The following SLCO1B3 variants were observed in gnomAD, a reference collection of about 807,000 sequenced individuals.
SLCO1B3 encodes solute carrier organic anion transporter family member 1B3, also known as liver-specific organic anion transporter 2.
Under a neutral mutation model 71.8 loss-of-function variants are expected in SLCO1B3, and 72 were observed. The ratio of observed to expected loss-of-function variants is 1.00; its 90% CI spans 0.83 to 1.22. The LOEUF is 1.22. Ranked by LOEUF, SLCO1B3 falls within the 50% of genes most tolerant of loss-of-function variation. The probability of loss-of-function intolerance (pLI) is 0.00; values close to 1 mark genes in which losing one functional copy is unlikely to be tolerated. For missense variants in SLCO1B3, 911 were observed against 819.7 expected (o/e 1.11, Z -1.36); for synonymous variants, 298 against 278.4 (o/e 1.07, Z -0.70).
chr12:20,883,338 C>G, intron 12 of SLCO1B3, 80 bp from the exon 13 acceptor site: 1 of 814,200 alleles, frequency 1.2e-6, no homozygotes, highest in Non-Finnish European at 1.8e-6. Context: ...TTTGAGACTT[C>G]TTTAAATATA....
chr12:20,915,930 A>G, intron 15 of SLCO1B3, 74 bp from the exon 16 acceptor site: 1 of 1,170,562 alleles, frequency 8.5e-7, no homozygotes, highest in South Asian at 1.5e-5. Flanking sequence ...AGATATGCAT[A>G]CTGGGGAGAA....
intron 13 of SLCO1B3, among the ~76,000 whole-genome samples, chr12:20,889,735 G>A (rs1207313315): frequency 1.3e-5 from 2 of 151,728 alleles, no homozygotes; most frequent in East Asian, 1.9e-4. Context: ...CTAGCTTTGG[G>A]TGCAGTTTAT....
chr12:20,852,167 G>GT (rs1258903693), intron 3 of SLCO1B3, among the ~76,000 whole-genome samples: 1 of 152,102 alleles, frequency 6.6e-6, no homozygotes, highest in Non-Finnish European at 1.5e-5. Context: ...TTTTATATTT[G>GT]TTTTTTCTAT....
chr12:20,902,208 G>T, intron 15 of SLCO1B3: 1 of 170,120 alleles, frequency 5.9e-6, no homozygotes, highest in Non-Finnish European at 1.3e-5. Flanking sequence ...TGGGTTGAAT[G>T]GTAATTCTGT....
rs745556617 is a variant in SLCO1B3 at position 20,861,124 on chromosome 12, A to C, written c.467A>C (p.Glu156Ala). 4.4e-6 allele frequency: 7 copies of C among 1,585,018 alleles called. No homozygotes were observed. In the South Asian group the frequency reaches 8.2e-5, roughly 18 times the overall value. ...TTATCATTCAATGGAACATCACCTGAGATAGTAGAAAAAGGTAAGAATTAA... is the reference window on the plus strand; with the variant it reads ...TTATCATTCAATGGAACATCACCTGCGATAGTAGAAAAAGGTAAGAATTAA... ...QTLSFNGTSP[E>A]IVEKDCVKES... The change falls in exon 6 of 16, where the codon GAG becomes GCG. Residue 156 changes from glutamate (E) to alanine (A), a missense_variant. Glu to Ala is a moderately radical substitution (Grantham distance 107). Coordinates refer to ENST00000381545, the MANE Select transcript of SLCO1B3 (RefSeq NM_019844.4).
At chr12:20,900,075 G>A (rs1327000049) in intron 14 of SLCO1B3, among the ~76,000 whole-genome samples, 1 of 152,138 alleles carries the variant, frequency 6.6e-6, no homozygotes, top group African/African-American at 2.4e-5. Context: ...CACAACGTTT[G>A]TTTAAACCAG....
At chr12:20,864,871 G>A (rs1040088601) in intron 8 of SLCO1B3, among the ~76,000 whole-genome samples, 9 of 152,066 alleles carry the variant, frequency 5.9e-5, no homozygotes, top group Non-Finnish European at 1.0e-4. Context: ...AATATCAAGG[G>A]CAGGAAATTA....
chr12:20,848,958 A>G (rs1290498475), intron 3 of SLCO1B3, among the ~76,000 whole-genome samples: 2 of 152,126 alleles, frequency 1.3e-5, no homozygotes, highest in African/African-American at 2.4e-5. Flanking sequence ...AAACACACCA[A>G]GTGAACCCTA....
chr12:20,853,986 A>AT lies in SLCO1B3; in HGVS notation c.85-1036dup, dbSNP rs1865078725. ...TGACCCATTGGTTGTGTAAGAAAGA[A>AT]TTTTTTAATTTCACATATCTGTGGA... On this transcript the variant is annotated intron_variant, in intron 3 of 15. Transcript: ENST00000381545. 2.0e-5 allele frequency among the ~76,000 whole-genome samples: 3 copies of AT among 151,218 alleles called. No individual in the cohort carries two copies. The South Asian group carries it at 6.3e-4, about 32-fold the overall frequency.
At chr12:20,824,166 A>G (rs1864375595) in intron 3 of SLCO1B3, among the ~76,000 whole-genome samples, 1 of 152,188 alleles carries the variant, frequency 6.6e-6, no homozygotes, top group African/African-American at 2.4e-5. Context: ...CACTTTATTA[A>G]ATTGTTAAAG....
intron 15 of SLCO1B3, among the ~76,000 whole-genome samples, chr12:20,907,806 G>A (rs1866284721): frequency 6.6e-6 from 1 of 151,884 alleles, no homozygotes. Context: ...ACTGCTCCCG[G>A]CTGGGAGATT....
chr12:20,829,148 C>A (rs1206228523), intron 3 of SLCO1B3, among the ~76,000 whole-genome samples: 1 of 152,142 alleles, frequency 6.6e-6, no homozygotes, highest in Non-Finnish European at 1.5e-5. Flanking sequence ...CAAACAAAAA[C>A]CAGTTAAGTC....
At chr12:20,859,284 C>T (rs1865204497) in intron 5 of SLCO1B3, among the ~76,000 whole-genome samples, 1 of 152,104 alleles carries the variant, frequency 6.6e-6, no homozygotes. Context: ...AAGTCAGTTA[C>T]GTTTTACACA....
At chr12:20,844,149 G>A (rs1864859280) in intron 3 of SLCO1B3, among the ~76,000 whole-genome samples, 2 of 151,788 alleles carry the variant, frequency 1.3e-5, no homozygotes, top group African/African-American at 4.8e-5. Flanking sequence ...ATATATATGT[G>A]TGTGTGTGTA....
chr12:20,853,198 A>C (rs1865057907), intron 3 of SLCO1B3, among the ~76,000 whole-genome samples: 1 of 152,160 alleles, frequency 6.6e-6, no homozygotes, highest in Admixed American at 6.5e-5. Context: ...ATCAATATTC[A>C]CCAGGAATAT....
chr12:20,815,878 AT>A, intron 3 of SLCO1B3, 56 bp downstream of exon 3: 1 of 1,106,080 alleles, frequency 9.0e-7, no homozygotes, highest in African/African-American at 1.6e-5. Context: ...ATTTTTATGT[AT>A]AGAAAGGCCA....
At chr12:20,836,170 C>A (rs1025300335) in intron 3 of SLCO1B3, among the ~76,000 whole-genome samples, 2 of 152,146 alleles carry the variant, frequency 1.3e-5, no homozygotes, top group African/African-American at 2.4e-5. Flanking sequence ...CCACTGGGTC[C>A]CTTCCATGAC....
rs762230309 is a variant in SLCO1B3 at position 20,862,408 on chromosome 12, A to G, written c.482-4A>G. ...TAAAGTAAAACACTCTCTTGTCTCG[A>G]TAGATTGTGTAAAGGAATCTGGGTC... On this transcript the variant is annotated splice_region_variant and splice_polypyrimidine_tract_variant and intron_variant, in intron 6 of 15. Coordinates refer to ENST00000381545, the MANE Select transcript of SLCO1B3 (RefSeq NM_019844.4). 2 of 1,606,416 alleles carry G rather than the reference A, an allele frequency of 1.2e-6. No individual in the cohort carries two copies. The highest frequency in any genetic ancestry group is 1.7e-5 in the Admixed American group (1 of 58,638).
intron 2 of SLCO1B3, among the ~76,000 whole-genome samples, chr12:20,815,191 A>G (rs1419165995): frequency 6.6e-6 from 1 of 152,072 alleles, no homozygotes; most frequent in Non-Finnish European, 1.5e-5. Flanking sequence ...CATCTCCTCT[A>G]TGAAACTGAC....
Sources: allele counts gnomAD v4.1 joint callset (sites outside exome capture counted in the v4.1 genomes callset), GRCh38; gene constraint gnomAD v4.1.1; transcripts MANE v1.5; gene names NCBI Gene and HGNC (gene_info 2026-07-23, HGNC 2026-07-21).